Variants in NHERF1 observed in about 807,000 individuals in gnomAD.
NHERF1 encodes Na(+)/H(+) exchange regulatory cofactor NHE-RF1.
the NHERF1 span, among the ~76,000 whole-genome samples, chr17:74,758,864 G>C: frequency 2.0e-5 from 3 of 152,270 alleles, no homozygotes; most frequent in East Asian, 5.8e-4. The surrounding 1 kb of genome is among the most constrained non-coding windows in gnomAD (Gnocchi z 4.3). Flanking sequence ...GCTGGGCCTG[G>C]AGACCACAGG....
the NHERF1 span, chr17:74,766,894 C>T: frequency 1.2e-6 from 2 of 1,605,792 alleles, no homozygotes; most frequent in African/African-American, 2.7e-5. Context: ...CGCTCTATTC[C>T]ATCCCCGTTC....
chr17:74,761,575 A>G, the NHERF1 span, among the ~76,000 whole-genome samples: 2 of 152,094 alleles, frequency 1.3e-5, no homozygotes, highest in Non-Finnish European at 2.9e-5. The surrounding 1 kb of genome is among the most constrained non-coding windows in gnomAD (Gnocchi z 4.3). Flanking sequence ...GGGGGTCCTC[A>G]GTCATATGCC....
the NHERF1 span, among the ~76,000 whole-genome samples, chr17:74,764,754 C>T: frequency 1.3e-5 from 2 of 152,202 alleles, no homozygotes; most frequent in African/African-American, 4.8e-5. The surrounding 1 kb of genome is among the most constrained non-coding windows in gnomAD (Gnocchi z 4.9). Context: ...GGGGACAGTC[C>T]CCTCCCCGCA....
the NHERF1 span, among the ~76,000 whole-genome samples, chr17:74,749,496 G>A: frequency 6.6e-6 from 1 of 152,250 alleles, no homozygotes; most frequent in Non-Finnish European, 1.5e-5. The surrounding 1 kb of genome is among the most constrained non-coding windows in gnomAD (Gnocchi z 5.6). Context: ...CTCCTTCCCA[G>A]GCTGTGCTGG....
At chr17:74,755,199 T>G in the NHERF1 span, among the ~76,000 whole-genome samples, 1 of 152,234 alleles carries the variant, frequency 6.6e-6, no homozygotes, top group Non-Finnish European at 1.5e-5. Flanking sequence ...AAATTCAGGC[T>G]GCTTGAACTG....
the NHERF1 span, among the ~76,000 whole-genome samples, chr17:74,765,480 G>C: frequency 1.3e-5 from 2 of 151,148 alleles, no homozygotes; most frequent in East Asian, 3.9e-4. Flanking sequence ...GGATGGTCTC[G>C]ATCTCTTGAC....
chr17:74,749,787 C>G, the NHERF1 span, among the ~76,000 whole-genome samples: 1 of 152,196 alleles, frequency 6.6e-6, no homozygotes, highest in Non-Finnish European at 1.5e-5. This position sits in a 1 kb window ranked among gnomAD's most constrained non-coding sequence, Gnocchi z 5.6. Flanking sequence ...AGCCCCGGCG[C>G]GAGGAGGCCC....
chr17:74,756,273 CTTTT>C, the NHERF1 span, among the ~76,000 whole-genome samples: 1 of 72,014 alleles, frequency 1.4e-5, no homozygotes, highest in Non-Finnish European at 2.5e-5. Flanking sequence ...TTCTTTCTTT[CTTTT>C]TTTTTTTTTT....
chr17:74,749,307 C>A, the NHERF1 span: 2 of 1,523,786 alleles, frequency 1.3e-6, no homozygotes, highest in Non-Finnish European at 1.8e-6. The surrounding 1 kb of genome is among the most constrained non-coding windows in gnomAD (Gnocchi z 5.6). Context: ...GCCCAAGCCG[C>A]GCAGGCTGGC....
chr17:74,749,337 C>G, the NHERF1 span: 4 of 1,464,642 alleles, frequency 2.7e-6, no homozygotes, highest in Admixed American at 9.3e-5. The surrounding 1 kb of genome is among the most constrained non-coding windows in gnomAD (Gnocchi z 5.6). Flanking sequence ...GAGGAGGATC[C>G]GGAGAGACCC....
chr17:74,760,463 AT>A, the NHERF1 span, among the ~76,000 whole-genome samples: 25 of 152,300 alleles, frequency 1.6e-4, no homozygotes, highest in South Asian at 4.6e-3. The surrounding 1 kb of genome is among the most constrained non-coding windows in gnomAD (Gnocchi z 4.5). Flanking sequence ...CTTTAAAGGA[AT>A]GCAAAGTCAT....
the NHERF1 span, among the ~76,000 whole-genome samples, chr17:74,757,000 G>A: frequency 2.6e-5 from 4 of 152,288 alleles, no homozygotes; most frequent in African/African-American, 9.6e-5. Context: ...GAAGGATGCA[G>A]CAGGGAAGGC....
At chr17:74,748,837 G>T in the NHERF1 span, 556 of 1,586,546 alleles carry the variant, frequency 3.5e-4, 2 homozygotes, top group African/African-American at 6.1e-3. This position sits in a 1 kb window ranked among gnomAD's most constrained non-coding sequence, Gnocchi z 4.3. Flanking sequence ...CTGACCCGTC[G>T]CAGGGCGAGA....
chr17:74,758,894 AG>A, the NHERF1 span, among the ~76,000 whole-genome samples: 2 of 152,100 alleles, frequency 1.3e-5, no homozygotes, highest in East Asian at 3.9e-4. This position sits in a 1 kb window ranked among gnomAD's most constrained non-coding sequence, Gnocchi z 4.3. Context: ...ACAGATCCCC[AG>A]GGGGGCTGCC....
At chr17:74,750,722 CTTT>C in the NHERF1 span, among the ~76,000 whole-genome samples, 6 of 131,188 alleles carry the variant, frequency 4.6e-5, no homozygotes, top group Non-Finnish European at 6.5e-5. Context: ...ATTTGACATT[CTTT>C]TTTTTTTTTT....
the NHERF1 span, chr17:74,768,995 C>G: frequency 2.6e-6 from 1 of 387,060 alleles, no homozygotes; most frequent in African/African-American, 2.1e-5. Context: ...CCCTTCCTCC[C>G]CCATGTGATA....
chr17:74,749,114 G>T, the NHERF1 span: 1 of 1,578,696 alleles, frequency 6.3e-7, no homozygotes, highest in Non-Finnish European at 8.6e-7. This position sits in a 1 kb window ranked among gnomAD's most constrained non-coding sequence, Gnocchi z 5.6. Flanking sequence ...GCGCCTGCTG[G>T]TGGTCGACCC....
chr17:74,759,353 T>G, the NHERF1 span, among the ~76,000 whole-genome samples: 1 of 152,164 alleles, frequency 6.6e-6, no homozygotes, highest in East Asian at 1.9e-4. Flanking sequence ...GGAGCAAGGC[T>G]CAAAGCAGGC....
At chr17:74,768,814 C>T in the NHERF1 span, 1 of 671,600 alleles carries the variant, frequency 1.5e-6, no homozygotes, top group South Asian at 1.9e-5. Context: ...TCTTCCCTGA[C>T]TTTAGGGAAG....
Sources: gnomAD v4.1 joint callset for allele counts (sites outside exome capture counted in the v4.1 genomes callset) on GRCh38, gnomAD v4.1.1 for gene constraint, Gnocchi (gnomAD v3.1) non-coding constraint, MANE v1.5 for transcripts, NCBI Gene and HGNC (gene_info 2026-07-23, HGNC 2026-07-21) for gene names.